The following CDKAL1 variants were observed in gnomAD, a reference collection of about 807,000 sequenced individuals.
CDKAL1 encodes the protein threonylcarbamoyladenosine tRNA methylthiotransferase.
CDKAL1 carries 32 observed loss-of-function variants against 68.2 expected under a neutral mutation model. The observed-to-expected ratio is 0.47, with a 90% confidence interval of 0.35 to 0.63. The LOEUF (loss-of-function observed/expected upper bound fraction) is 0.63. Among genes scored for constraint, CDKAL1 ranks in the 30% least tolerant of loss-of-function variants. CDKAL1 has a pLI of 0.00. For missense variants in CDKAL1, 606 were observed against 696.7 expected, an observed-to-expected ratio of 0.87 and a Z score of 1.47; for synonymous variants, 234 against 244.3, an observed-to-expected ratio of 0.96 and a Z score of 0.39.
At chr6:20,876,145 C>T (rs1462560804) in intron 9 of CDKAL1, among the ~76,000 whole-genome samples, 2 of 152,222 alleles carry the variant, frequency 1.3e-5, no homozygotes, top group Non-Finnish European at 2.9e-5. Context: ...TTACCAGCTG[C>T]TGCTGGGGTT....
chr6:21,195,753 GC>G (rs1245483844), intron 13 of CDKAL1, among the ~76,000 whole-genome samples: 15 of 150,222 alleles, frequency 1.0e-4, no homozygotes, highest in African/African-American at 3.7e-4. Flanking sequence ...CAAGTGATCT[GC>G]CCACCTCTGC....
intron 5 of CDKAL1, among the ~76,000 whole-genome samples, chr6:20,685,617 G>T (rs1770584316): frequency 6.6e-6 from 1 of 152,004 alleles, no homozygotes; most frequent in South Asian, 2.1e-4. Flanking sequence ...CAATATTGAG[G>T]CTTCCTATCC....
At chr6:21,098,338 G>T (rs1773415495) in intron 12 of CDKAL1, among the ~76,000 whole-genome samples, 1 of 152,116 alleles carries the variant, frequency 6.6e-6, no homozygotes, top group Non-Finnish European at 1.5e-5. Flanking sequence ...ACTATATAAG[G>T]TGAGCGTGGG....
At chr6:20,931,571 G>A (rs934976977) in intron 9 of CDKAL1, among the ~76,000 whole-genome samples, 5 of 152,120 alleles carry the variant, frequency 3.3e-5, no homozygotes, top group African/African-American at 4.8e-5. Context: ...ATTTGTCTCC[G>A]TGGCATGTGA....
intron 11 of CDKAL1, among the ~76,000 whole-genome samples, chr6:21,007,749 T>C (rs1404334509): frequency 6.6e-6 from 1 of 152,196 alleles, no homozygotes; most frequent in Admixed American, 6.5e-5. Context: ...TGTTAAAGCA[T>C]TGTATGTCTT....
chr6:20,558,405 A>C, intron 4 of CDKAL1: 1 of 401,308 alleles, frequency 2.5e-6, no homozygotes, highest in Non-Finnish European at 5.0e-6. Context: ...TGGGGTGATA[A>C]ATTAATTTGG....
rs560860006 is a variant in CDKAL1, at chr6:20,687,973, A to G, written c.371+38596A>G. Among the ~76,000 whole-genome samples the G allele has an allele frequency of 1.2e-4, 19 of 152,226 alleles. No individual in the cohort carries two copies. The East Asian group carries it at 3.7e-3, about 29-fold the overall frequency. On this transcript the variant is annotated intron_variant, in intron 5 of 15. Transcript: ENST00000274695. ...GAAAGTATTTTTCCTTCACTTTTGAAGAATGATTTTGCGGGTTACAGAATT... is the reference window on the plus strand; with the variant it reads ...GAAAGTATTTTTCCTTCACTTTTGAGGAATGATTTTGCGGGTTACAGAATT...
At chr6:21,172,260 G>A (rs1777418390) in intron 13 of CDKAL1, among the ~76,000 whole-genome samples, 1 of 152,158 alleles carries the variant, frequency 6.6e-6, no homozygotes, top group South Asian at 2.1e-4. Flanking sequence ...ACTCTCCAGA[G>A]CCTCCTGTCT....
At chr6:20,749,478 G>A (rs1440285902) in intron 6 of CDKAL1, among the ~76,000 whole-genome samples, 1 of 152,060 alleles carries the variant, frequency 6.6e-6, no homozygotes, top group Non-Finnish European at 1.5e-5. Flanking sequence ...TATTCAGTAA[G>A]TTTAACTGGA....
chr6:21,160,269 C>T (rs938937150), intron 13 of CDKAL1, among the ~76,000 whole-genome samples: 4 of 151,876 alleles, frequency 2.6e-5, no homozygotes, highest in African/African-American at 7.3e-5. Context: ...CTGTTGTTTT[C>T]GAATGGGAAA....
At position 20,824,705 on chromosome 6, in the gene CDKAL1, C is replaced by T. The variant is rs183016377; in HGVS notation, c.639-21370C>T. On this transcript the variant is annotated intron_variant, in intron 8 of 15. Transcript: ENST00000274695. ...TCCAAGTGACATCTGTCACTTTTAC[C>T]ATACTTAACTGGTTAGAAGCAAGTT... 1.3e-3 allele frequency among the ~76,000 whole-genome samples: 194 copies of T among 152,218 alleles called. 1 individual carries two copies. Among genetic ancestry groups the T allele is most frequent in the Admixed American group, 2.3e-3 (35 of 15,278 alleles).
At chr6:20,577,635 T>C (rs1764968384) in intron 4 of CDKAL1, among the ~76,000 whole-genome samples, 1 of 152,224 alleles carries the variant, frequency 6.6e-6, no homozygotes, top group Non-Finnish European at 1.5e-5. Context: ...AATTCTTTTC[T>C]CAAAATACCA....
intron 6 of CDKAL1, among the ~76,000 whole-genome samples, chr6:20,752,122 T>C (rs568986844): frequency 1.4e-4 from 22 of 152,008 alleles, no homozygotes; most frequent in Non-Finnish European, 2.8e-4. Flanking sequence ...TCTCCCCTTT[T>C]TTCCCTTTTC....
intron 11 of CDKAL1, among the ~76,000 whole-genome samples, chr6:21,027,013 A>T (rs1434186589): frequency 6.6e-6 from 1 of 152,006 alleles, no homozygotes; most frequent in East Asian, 1.9e-4. Flanking sequence ...CCTGGACCTC[A>T]TGGTCCTCCC....
At chr6:21,114,836 TGTA>T (rs1039503199) in intron 13 of CDKAL1, among the ~76,000 whole-genome samples, 37 of 152,322 alleles carry the variant, frequency 2.4e-4, no homozygotes, top group African/African-American at 4.3e-4. Flanking sequence ...AATTTTTAAT[TGTA>T]GTATTAAATA....
intron 5 of CDKAL1, among the ~76,000 whole-genome samples, chr6:20,660,388 G>T (rs1299112447): frequency 6.6e-6 from 1 of 152,188 alleles, no homozygotes; most frequent in East Asian, 1.9e-4. Context: ...AAGACCATTT[G>T]TCAACGGTTG....
At chr6:21,174,232 G>A (rs1485883894) in intron 13 of CDKAL1, among the ~76,000 whole-genome samples, 6 of 152,164 alleles carry the variant, frequency 3.9e-5, no homozygotes, top group East Asian at 3.8e-4. Flanking sequence ...ATGATGAAAA[G>A]GGATATTTTT....
chr6:20,741,237 G>A (rs113109135), intron 6 of CDKAL1, among the ~76,000 whole-genome samples: 1 of 151,832 alleles, frequency 6.6e-6, no homozygotes, highest in African/African-American at 2.4e-5. Context: ...TTTCAGGGCC[G>A]ACACAAAGCT....
chr6:21,222,195 G>A (rs1271545497), intron 15 of CDKAL1, among the ~76,000 whole-genome samples: 5 of 152,156 alleles, frequency 3.3e-5, no homozygotes, highest in African/African-American at 9.7e-5. Flanking sequence ...TAGACAGTTC[G>A]CATGTGTATG....
Sources: gnomAD v4.1 joint callset for allele counts (sites outside exome capture counted in the v4.1 genomes callset) on GRCh38, gnomAD v4.1.1 for gene constraint, MANE v1.5 for transcripts, NCBI Gene and HGNC (gene_info 2026-07-23, HGNC 2026-07-21) for gene names.